The following HSPG2 variants were observed in gnomAD, a reference collection of about 807,000 sequenced individuals.
HSPG2 encodes the protein basement membrane-specific heparan sulfate proteoglycan core protein.
Under a neutral mutation model 526.6 loss-of-function variants are expected in HSPG2, and 278 were observed. The observed-to-expected ratio is 0.53, with a 90% CI of 0.48 to 0.58. The LOEUF (loss-of-function observed/expected upper bound fraction) is 0.58, where lower values mean the gene tolerates loss of function less well. Among genes scored for constraint, HSPG2 ranks in the 20% least tolerant of loss-of-function variants. HSPG2 has a pLI of 0.00. For missense variants in HSPG2, 5,354 were observed against 6,099.5 expected (o/e 0.88, Z 4.07); for synonymous variants, 2,465 against 2,555.4 (o/e 0.96, Z 1.07).
At chr1:21,913,479 C>T (rs1643775377) in intron 1 of HSPG2, among the ~76,000 whole-genome samples, 1 of 152,174 alleles carries the variant, frequency 6.6e-6, no homozygotes, top group Non-Finnish European at 1.5e-5. Context: ...GTCTGCTGCC[C>T]CAGGGAACAT....
At chr1:21,853,774 A>C (rs1639109274) in intron 50 of HSPG2, 1 of 204,666 alleles carries the variant, frequency 4.9e-6, no homozygotes. Context: ...AATAAAATAA[A>C]ATAAAATAAA....
rs1370422712 is a variant in HSPG2 at position 21,937,240 on chromosome 1, C to G, written c.-23G>C. ...CATGGCCCGGCCCGCGCCGCTCTCTCGCTCGCTCGCTCCGCGCCGCCCGCT... is the reference window on the plus strand; with the variant it reads ...CATGGCCCGGCCCGCGCCGCTCTCTGGCTCGCTCGCTCCGCGCCGCCCGCT... On this transcript the variant is annotated 5_prime_UTR_variant, in exon 1 of 97. Coordinates refer to ENST00000374695, the MANE Select transcript of HSPG2 (RefSeq NM_005529.7). 1.1e-6 allele frequency: 1 copy of G among 914,128 alleles called. No individual in the cohort carries two copies. Among genetic ancestry groups the G allele is most frequent in the African/African-American group, 1.8e-5 (1 of 54,290 alleles). 56.6% of individuals were successfully genotyped at this position (914,128 alleles called of 1,614,324 possible).
intron 33 of HSPG2, chr1:21,869,528 G>A: frequency 2.0e-6 from 2 of 988,224 alleles, no homozygotes; most frequent in South Asian, 9.4e-5. Context: ...GAAGAAGAAG[G>A]AGGAGGTGCT....
intron 53 of HSPG2, 32 bp from the exon 54 acceptor site, chr1:21,851,958 G>A (rs758364908): frequency 1.9e-6 from 3 of 1,604,386 alleles, no homozygotes; most frequent in East Asian, 2.3e-5. Context: ...TGTGAGGGGG[G>A]CTTCCCGGAG....
In HSPG2 at chr1:21,900,084, G is replaced by A. The variant is rs192851609; in HGVS notation, c.64-3774C>T. ...ACCCAGGTTTCCTGCCCTCCAGCCC[G>A]TCTCCGGCGGTGAGGGAGCCCGGCT... On this transcript the variant is annotated intron_variant, in intron 1 of 96. Transcript: ENST00000374695. 7.0e-3 allele frequency among the ~76,000 whole-genome samples: 1,059 copies of A among 152,362 alleles called. 10 individuals are homozygous for A. The highest frequency in any genetic ancestry group is 0.024 in the African/African-American group (979 of 41,594).
chr1:21,884,460 C>G lies in HSPG2; in HGVS notation c.1654+68G>C, dbSNP rs560929998. 1.9e-5 allele frequency: 31 copies of G among 1,600,316 alleles called. No homozygotes were observed. In the Middle Eastern group the frequency reaches 9.1e-4, roughly 47 times the overall value. On this transcript the variant is annotated intron_variant, in intron 13 of 96. Coordinates refer to ENST00000374695, the MANE Select transcript of HSPG2 (RefSeq NM_005529.7). ...GGCCCCCTCTGTCCGCATCTATCCTCTGTGCCCCCTGGGTACAGAGGTACC... is the reference window on the plus strand; with the variant it reads ...GGCCCCCTCTGTCCGCATCTATCCTGTGTGCCCCCTGGGTACAGAGGTACC...
chr1:21,834,713 G>A lies in HSPG2; in HGVS notation c.10686C>T (p.Gly3562=). The A allele has an allele frequency of 1.2e-6, 2 of 1,614,176 alleles. No individual in the cohort carries two copies. Among genetic ancestry groups the A allele is most frequent in the Non-Finnish European group, 1.7e-6 (2 of 1,180,034 alleles). ...GCAGCAGGACGTGGGATTGTGTGGT[G>A]CCAGCTGCGTTGGTGGCAGTGCAGC... ...QYRCTATNAA[G]TTQSHVLLLV... The change falls in exon 77 of 97, where the codon GGC becomes GGT. Residue 3562 remains glycine, a synonymous_variant. Coordinates refer to ENST00000374695, the MANE Select transcript of HSPG2 (RefSeq NM_005529.7).
intron 70 of HSPG2, 53 bp downstream of exon 70, chr1:21,841,486 G>C: frequency 6.2e-7 from 1 of 1,611,222 alleles, no homozygotes; most frequent in Non-Finnish European, 8.5e-7. Flanking sequence ...GCTCTGAGCT[G>C]AGAATCAGGG....
chr1:21,871,113 T>G (rs1028119326), intron 33 of HSPG2, among the ~76,000 whole-genome samples: 11 of 152,092 alleles, frequency 7.2e-5, no homozygotes, highest in African/African-American at 2.4e-4. Flanking sequence ...AGAACACATT[T>G]GGGCAGGTTG....
chr1:21,873,132 C>G (rs1233529173), intron 30 of HSPG2, 41 bp from the exon 31 acceptor site: 9 of 1,502,012 alleles, frequency 6.0e-6, no homozygotes, highest in Non-Finnish European at 8.2e-6. Context: ...CCAAACCCGC[C>G]ACCCAGCACC....
Position 21,822,340 on chromosome 1 carries a change from C to A in HSPG2, c.*976G>T. 1.1e-6 allele frequency: 1 copy of A among 908,706 alleles called. No homozygotes were observed. Among genetic ancestry groups the A allele is most frequent in the South Asian group, 1.4e-5 (1 of 70,712 alleles). The allele number at this position is 908,706 out of a possible 1,614,324, so 56.3% of individuals were successfully genotyped here. A position where few individuals can be genotyped will look rare whatever the true frequency, so the allele number is the denominator to read the frequency against. On this transcript the variant is annotated 3_prime_UTR_variant, in exon 97 of 97. Coordinates refer to ENST00000374695, the MANE Select transcript of HSPG2 (RefSeq NM_005529.7). ...AGGCCAGGCGTCCCAACCCCACAGTCTGGGGGCCACTGGCAGGATGGCACT... is the reference window on the plus strand; with the variant it reads ...AGGCCAGGCGTCCCAACCCCACAGTATGGGGGCCACTGGCAGGATGGCACT...
intron 71 of HSPG2, among the ~76,000 whole-genome samples, chr1:21,840,336 T>A (rs7521889): frequency 6.6e-6 from 1 of 152,052 alleles, no homozygotes; most frequent in Non-Finnish European, 1.5e-5. Context: ...TTGAGGGTCT[T>A]GCTCTGTCAC....
rs377547992 is a variant in HSPG2 at position 21,861,999 on chromosome 1, G to T, written c.4857C>A (p.Asn1619Lys). ...GCTAGGGTACCCACATGTTCTCTGG[G>T]TTGGTCAGTGGGCAGGCACAGGGCT... is the stretch of plus-strand genomic sequence containing the variant. The part of the protein sequence containing the change: ...DCQPCACPLT[N>K]PENMFSRTCE... Residue 1619 changes from asparagine to lysine, a missense_variant, in exon 38 of 97, where the codon AAC becomes AAA. Physicochemically the swap from Asn to Lys is moderately conservative, Grantham distance 94. Transcript: ENST00000374695. 2.5e-6 allele frequency: 4 copies of T among 1,614,092 alleles called. No homozygotes were observed. The African/African-American group carries it at 5.3e-5, about 22-fold the overall frequency.
chr1:21,862,263 A>G, intron 37 of HSPG2, 148 bp from the exon 38 acceptor site: 1 of 998,522 alleles, frequency 1.0e-6, no homozygotes, highest in Non-Finnish European at 1.5e-6. Context: ...TTTCATTACA[A>G]GGACACTCAT....
chr1:21,911,607 C>T (rs899908886), intron 1 of HSPG2, among the ~76,000 whole-genome samples: 6 of 152,194 alleles, frequency 3.9e-5, no homozygotes, highest in Non-Finnish European at 5.9e-5. Context: ...GTGGAGAGGC[C>T]GGAGCAAAGG....
At chr1:21,911,466 G>A (rs974425002) in intron 1 of HSPG2, among the ~76,000 whole-genome samples, 3 of 152,122 alleles carry the variant, frequency 2.0e-5, no homozygotes, top group Non-Finnish European at 4.4e-5. Flanking sequence ...GCAGGGAGTG[G>A]GGGTGTGGAG....
intron 1 of HSPG2, among the ~76,000 whole-genome samples, chr1:21,918,099 C>T (rs9426781): frequency 0.48 from 73,136 of 151,884 alleles, 19,771 homozygotes; most frequent in Middle Eastern, 0.64. Context: ...TGGCTCTTCC[C>T]GAGCCTCCTG....
At chr1:21,841,863 C>T in intron 69 of HSPG2, 139 bp downstream of exon 69, 1 of 1,352,488 alleles carries the variant, frequency 7.4e-7, no homozygotes, top group Non-Finnish European at 1.0e-6. Flanking sequence ...TCTTGCCATA[C>T]AGAGACGGGA....
At chr1:21,936,430 C>T (rs566399823) in intron 1 of HSPG2, among the ~76,000 whole-genome samples, 1 of 152,210 alleles carries the variant, frequency 6.6e-6, no homozygotes, top group Non-Finnish European at 1.5e-5. Flanking sequence ...CATCCCCGCA[C>T]CACGCACTTT....
Sources: allele counts gnomAD v4.1 joint callset (sites outside exome capture counted in the v4.1 genomes callset), GRCh38; gene constraint gnomAD v4.1.1; transcripts MANE v1.5; gene names NCBI Gene and HGNC (gene_info 2026-07-23, HGNC 2026-07-21).